The following TCF7 variants were observed in gnomAD, a reference collection of about 807,000 sequenced individuals.
TCF7 encodes the protein T-cell-factor-7.
A neutral mutation model predicts 46.8 loss-of-function variants in TCF7; 19 were observed. That is an observed-to-expected ratio of 0.41 (90% CI 0.28 to 0.60). TCF7 has a LOEUF of 0.60. TCF7 is among the 20% of genes least tolerant of loss of function. The pLI is 0.35. For missense variants in TCF7, 547 were observed against 504.6 expected (o/e 1.08, Z -0.81); for synonymous variants, 245 against 213.4 (o/e 1.15, Z -1.29).
chr5:134,108,518 T>C, the TCF7 span, among the ~76,000 whole-genome samples: 1 of 152,096 alleles, frequency 6.6e-6, no homozygotes, highest in South Asian at 2.1e-4. Flanking sequence ...CTACTACCCC[T>C]GTTGTCCTGG....
chr5:134,111,510 G>A (rs886397459), upstream of TCF7, among the ~76,000 whole-genome samples: 5 of 152,106 alleles, frequency 3.3e-5, no homozygotes, highest in African/African-American at 1.2e-4. Context: ...CCAATTCCCA[G>A]AACAGGTGGC....
chr5:134,143,621 G>C lies in TCF7; in HGVS notation c.1056G>C (p.Lys352Asn). Residue 352 changes from lysine (K) to asparagine (N), a missense_variant, in exon 9 of 10, where the codon AAG (lysine) becomes AAC (asparagine). This residue lies in a region of TCF7 where 90 missense variants were observed against 88.8 expected (regional missense o/e 1.01). Transcript: ENST00000342854. ...YGKKKRRSRE[K>N]HQESTTGGKR... ...AGAAGAAGAGGCGGTCGAGGGAAAA[G>C]CACCAAGAATCCACCACAGGTGAGA... The C allele has an allele frequency of 6.2e-7, 1 of 1,614,060 alleles. No homozygotes were observed. The highest frequency in any genetic ancestry group is 8.5e-7 in the Non-Finnish European group (1 of 1,180,020).
intron 3 of TCF7, among the ~76,000 whole-genome samples, chr5:134,116,697 A>C (rs901796835): frequency 1.3e-5 from 2 of 152,250 alleles, no homozygotes; most frequent in Admixed American, 1.3e-4. Context: ...AAATATTTTT[A>C]AGTCCCAGTG....
intron 8 of TCF7, 30 bp from the exon 9 acceptor site, chr5:134,143,562 T>A: frequency 6.2e-7 from 1 of 1,614,034 alleles, no homozygotes; most frequent in Non-Finnish European, 8.5e-7. Flanking sequence ...GCCTCCCAGA[T>A]CTGAGCATCC....
intron 3 of TCF7, among the ~76,000 whole-genome samples, chr5:134,131,839 G>A (rs1017828345): frequency 2.0e-5 from 3 of 152,256 alleles, no homozygotes; most frequent in African/African-American, 7.2e-5. Flanking sequence ...AGGAAGTATG[G>A]AACATTGCAG....
At chr5:134,139,166 G>C in intron 5 of TCF7, 128 bp downstream of exon 5, 1 of 1,424,946 alleles carries the variant, frequency 7.0e-7, no homozygotes, top group Non-Finnish European at 9.4e-7. Context: ...GATGCCAGGG[G>C]CTGGCCAGCA....
intron 3 of TCF7, among the ~76,000 whole-genome samples, chr5:134,122,962 A>G (rs1184341353): frequency 1.3e-5 from 2 of 152,194 alleles, no homozygotes; most frequent in African/African-American, 4.8e-5. Context: ...CTGACACTGT[A>G]TCTGCCATTC....
chr5:134,115,703 A>C (rs1386779244), intron 2 of TCF7: 2 of 1,428,198 alleles, frequency 1.4e-6, no homozygotes, highest in Non-Finnish European at 1.8e-6. Flanking sequence ...GGGGGGTGGG[A>C]GGTCAAGTAG....
At chr5:134,140,268 A>G (rs1759538238) in intron 5 of TCF7, among the ~76,000 whole-genome samples, 1 of 152,192 alleles carries the variant, frequency 6.6e-6, no homozygotes, top group South Asian at 2.1e-4. Flanking sequence ...CTGCCCTCTC[A>G]GAACTCAGTC....
chr5:134,124,568 G>T (rs1035485623), intron 3 of TCF7, among the ~76,000 whole-genome samples: 3 of 152,128 alleles, frequency 2.0e-5, no homozygotes, highest in African/African-American at 7.2e-5. Context: ...GAGCAAGCCT[G>T]GGGACACAAA....
chr5:134,121,657 C>A (rs999336967), intron 3 of TCF7, among the ~76,000 whole-genome samples: 2 of 152,092 alleles, frequency 1.3e-5, no homozygotes, highest in African/African-American at 4.8e-5. Context: ...CCTGTGCGTG[C>A]CCCTCATTCT....
intron 4 of TCF7, 50 bp from the exon 5 acceptor site, chr5:134,138,901 T>C (rs370732060): frequency 1.1e-5 from 18 of 1,608,030 alleles, no homozygotes; most frequent in Admixed American, 8.4e-5. Context: ...ACTGCTGATA[T>C]GGCCTGCCAG....
chr5:134,144,800 C>G (rs540466256), intron 9 of TCF7: 2 of 1,614,180 alleles, frequency 1.2e-6, no homozygotes, highest in African/African-American at 2.7e-5. Flanking sequence ...TGAGCAGACC[C>G]TGGCTCGCCT....
intron 3 of TCF7, among the ~76,000 whole-genome samples, chr5:134,125,451 C>T (rs1339871294): frequency 6.6e-6 from 1 of 152,222 alleles, no homozygotes; most frequent in Non-Finnish European, 1.5e-5. Flanking sequence ...CACTCACCCT[C>T]CCAGTGTGGG....
rs1183942465 is a variant in TCF7, at chr5:134,143,701, C to G, written c.1075+61C>G. 3 of 1,600,162 alleles carry G rather than the reference C, an allele frequency of 1.9e-6. No individual in the cohort carries two copies. The African/African-American group carries it at 4.0e-5, about 21-fold the overall frequency. On this transcript the variant is annotated intron_variant, in intron 9 of 9. Coordinates refer to ENST00000342854, the MANE Select transcript of TCF7 (RefSeq NM_003202.5). ...TCCATGTCCCCATTTCAAGAGCAGC[C>G]CTCCTCTGACCCAAAGGGAGGAACG... is the stretch of plus-strand genomic sequence containing the variant.
chr5:134,135,201 C>T (rs528757941), intron 3 of TCF7, among the ~76,000 whole-genome samples: 1 of 152,318 alleles, frequency 6.6e-6, no homozygotes, highest in Non-Finnish European at 1.5e-5. Flanking sequence ...CTAAAGCAGT[C>T]CTCCTCCCTC....
intron 4 of TCF7, 39 bp downstream of exon 4, chr5:134,138,203 AG>A: frequency 6.3e-7 from 1 of 1,581,844 alleles, no homozygotes. Flanking sequence ...GTGAAACCAG[AG>A]CCTAAGGGCC....
upstream of TCF7, among the ~76,000 whole-genome samples, chr5:134,114,452 G>A (rs1755511999): frequency 6.6e-6 from 1 of 152,188 alleles, no homozygotes; most frequent in Non-Finnish European, 1.5e-5. Flanking sequence ...TCTGGTTGTA[G>A]GTGAGTAAGC....
chr5:134,127,251 G>C (rs1196229359), intron 3 of TCF7, among the ~76,000 whole-genome samples: 1 of 152,194 alleles, frequency 6.6e-6, no homozygotes, highest in Non-Finnish European at 1.5e-5. Flanking sequence ...CCTGGGTCAG[G>C]GATGACCCCT....
Sources: allele counts gnomAD v4.1 joint callset (sites outside exome capture counted in the v4.1 genomes callset), GRCh38; gene constraint gnomAD v4.1.1; regional missense constraint gnomAD v4.1.1; transcripts MANE v1.5; gene names NCBI Gene and HGNC (gene_info 2026-07-23, HGNC 2026-07-21).